CPZ: variants seen among roughly 807,000 people sequenced by gnomAD.
The protein encoded by CPZ is VEZT/CPZ fusion.
Under a neutral mutation model 61.8 loss-of-function variants are expected in CPZ, and 103 were observed. That is an observed-to-expected ratio of 1.67 (90% CI 1.42 to 1.96). The LOEUF (loss-of-function observed/expected upper bound fraction) is 1.96. CPZ is among the 30% of genes most tolerant of loss of function. The pLI is 0.00. For missense variants in CPZ, 1,461 were observed against 914.9 expected (o/e 1.60, Z -7.70); for synonymous variants, 551 against 373.7 (o/e 1.47, Z -5.47).
In CPZ at chr4:8,618,522, A is replaced by G; in HGVS notation, c.1597A>G (p.Thr533Ala). The G allele has an allele frequency of 6.2e-7, 1 of 1,613,550 alleles. No individual in the cohort carries two copies. The highest frequency in any genetic ancestry group is 8.5e-7 in the Non-Finnish European group (1 of 1,179,974). The change falls in exon 10 of 11, where the codon ACC (threonine) becomes GCC (alanine). Residue 533 changes from threonine (T) to alanine (A), a missense_variant. Coordinates refer to ENST00000360986, the MANE Select transcript of CPZ (RefSeq NM_001014447.3). ...ISVKGIRHDI[T>A]TAPDGDYWRL... ...AGTCAAAGGCATTCGCCACGACATC[A>G]CCACAGGTGAGCACGTCCCTGGCTG...
rs1168045825 is a variant in CPZ at position 8,619,324 on chromosome 4, C to T, written c.1666C>T (p.Pro556Ser). 1 of 1,614,106 alleles carries T rather than the reference C, an allele frequency of 6.2e-7. No homozygotes were observed. The highest frequency in any genetic ancestry group is 8.5e-7 in the Non-Finnish European group (1 of 1,179,988). The change falls in exon 11 of 11, where the codon CCT (proline) becomes TCT (serine). Residue 556 changes from proline (P) to serine (S), a missense_variant. By Grantham distance (74) the Pro-to-Ser change is moderately conservative. Transcript: ENST00000360986. Reference protein sequence around the residue: ...PGIHIVIAQAPGYAKVIKKVI... With the variant: ...PGIHIVIAQASGYAKVIKKVI... The stretch of plus-strand genomic sequence containing the variant: ...TATCCACATTGTCATTGCCCAAGCC[C>T]CTGGCTACGCCAAAGTCATCAAGAA...
In CPZ at chr4:8,619,544, G is replaced by A; in HGVS notation, c.1886G>A (p.Gly629Glu). ...GCGCGCAGGCAGCCCTCGGCCGACG[G>A]GAGTAAGCCCTGGTGGTGGTCCTAC... ...LRARRQPSAD[G>E]SKPWWWSYFT... The change falls in exon 11 of 11, where the codon GGG becomes GAG. Residue 629 changes from glycine (G) to glutamate (E), a missense_variant. Physicochemically the swap from Gly to Glu is moderately conservative, Grantham distance 98. Coordinates refer to ENST00000360986, the MANE Select transcript of CPZ (RefSeq NM_001014447.3). 14 of 1,567,298 alleles carry A rather than the reference G, an allele frequency of 8.9e-6. No homozygotes were observed. Among genetic ancestry groups the A allele is most frequent in the South Asian group, 1.2e-5 (1 of 83,130 alleles).
rs902338757 is a variant in CPZ, at chr4:8,619,407, T to C, written c.1749T>C (p.Pro583=). 1 of 1,614,128 alleles carries C rather than the reference T, an allele frequency of 6.2e-7. No individual in the cohort carries two copies. The highest frequency in any genetic ancestry group is 8.5e-7 in the Non-Finnish European group (1 of 1,180,010). ...GCCGTGTGGACTTCATTCTGCAACC[T>C]CTGGGGATGGGACCCAAGAACTTTA... ...RAGRVDFILQ[P]LGMGPKNFIH... Residue 583 remains proline (P), a synonymous_variant, in exon 11 of 11, where the codon CCT becomes CCC. Coordinates refer to ENST00000360986, the MANE Select transcript of CPZ (RefSeq NM_001014447.3).
intron 7 of CPZ, among the ~76,000 whole-genome samples, chr4:8,609,211 C>T (rs368467315): frequency 4.9e-3 from 239 of 49,170 alleles, no homozygotes; most frequent in African/African-American, 0.011. Flanking sequence ...CACTCACTTA[C>T]TCATTCACTT....
chr4:8,606,696 TGTGCTGACCCCACC>T (rs1715039397), intron 5 of CPZ, 27 bp from the exon 6 acceptor site: 1 of 1,612,284 alleles, frequency 6.2e-7, no homozygotes, highest in Non-Finnish European at 8.5e-7. Flanking sequence ...GAGGGTGGGG[TGTGCTGACCCCACC>T]CAGTCGGGGG....
chr4:8,594,804 A>G (rs961577825), intron 1 of CPZ, among the ~76,000 whole-genome samples: 2 of 148,214 alleles, frequency 1.3e-5, no homozygotes, highest in Admixed American at 6.8e-5. Flanking sequence ...ATGGAGTCTC[A>G]CTCTGTCGCC....
intron 7 of CPZ, among the ~76,000 whole-genome samples, chr4:8,609,117 C>CACTCA (rs1560297856): frequency 5.1e-5 from 2 of 39,064 alleles, no homozygotes; most frequent in South Asian, 6.8e-4. Context: ...CTTCCTCACT[C>CACTCA]CCTCACTCAT....
chr4:8,599,628 C>T lies in CPZ; in HGVS notation c.121+143C>T, dbSNP rs185951901. ...CCCATTAATCAAACTAGAACCCCCT[C>T]GTAAACAGCCAGAGAAAAATTAGAC... On this transcript the variant is annotated intron_variant, in intron 2 of 10. Coordinates refer to ENST00000360986, the MANE Select transcript of CPZ (RefSeq NM_001014447.3). The T allele has an allele frequency of 1.5e-5, 22 of 1,469,824 alleles. No homozygotes were observed. The East Asian group carries it at 2.3e-4, about 15-fold the overall frequency. The allele number at this position is 1,469,824 out of a possible 1,614,324, so 91.0% of individuals were successfully genotyped here.
chr4:8,600,186 A>G (rs1301926439), intron 2 of CPZ, among the ~76,000 whole-genome samples: 1 of 152,056 alleles, frequency 6.6e-6, no homozygotes, highest in African/African-American at 2.4e-5. Context: ...TGTGTTACCC[A>G]GGCTGGTCTC....
chr4:8,616,873 C>A (rs1447865916), intron 9 of CPZ, among the ~76,000 whole-genome samples: 1 of 152,208 alleles, frequency 6.6e-6, no homozygotes, highest in Non-Finnish European at 1.5e-5. Context: ...GGGTGGGGGT[C>A]ACGAGCCCCA....
intron 10 of CPZ, among the ~76,000 whole-genome samples, chr4:8,618,875 G>C (rs568190676): frequency 2.6e-5 from 4 of 152,152 alleles, no homozygotes; most frequent in Non-Finnish European, 5.9e-5. Flanking sequence ...TTGATAGCTG[G>C]GGTGTCCAGC....
At chr4:8,613,790 C>G (rs925008221) in intron 8 of CPZ, among the ~76,000 whole-genome samples, 1 of 152,180 alleles carries the variant, frequency 6.6e-6, no homozygotes, top group Non-Finnish European at 1.5e-5. Flanking sequence ...GTTGTCCACC[C>G]TAGCCTGGGC....
At chr4:8,601,635 C>T in intron 3 of CPZ, 138 bp downstream of exon 3, 4 of 942,484 alleles carry the variant, frequency 4.2e-6, no homozygotes, top group Non-Finnish European at 5.9e-6. Flanking sequence ...GGGGCTGCTC[C>T]CCGAGGCAGC....
rs974272519 is a variant in CPZ, at chr4:8,592,805, G to A, written c.-29G>A. 9.2e-6 allele frequency: 13 copies of A among 1,415,766 alleles called. No homozygotes were observed. Among genetic ancestry groups the A allele is most frequent in the Middle Eastern group, 2.5e-4 (1 of 4,066 alleles). 87.7% of individuals were successfully genotyped at this position (1,415,766 alleles called of 1,614,324 possible). On this transcript the variant is annotated 5_prime_UTR_variant, in exon 1 of 11. Transcript: ENST00000360986. ...CGCGGCCCGAGTGCCACATCACTGC[G>A]CTGGCCGTCCAAGGTCCGCCGCCCC...
At chr4:8,613,235 G>A (rs6858613) in intron 8 of CPZ, among the ~76,000 whole-genome samples, 65,209 of 151,110 alleles carry the variant, frequency 0.43, 15,126 homozygotes, top group South Asian at 0.61. Flanking sequence ...GGGTTCAAGC[G>A]ATTCTCCTGC....
chr4:8,601,142 G>C lies in CPZ; in HGVS notation c.141G>C (p.Gln47His), dbSNP rs1207329634. Residue 47 changes from glutamine (Q) to histidine (H), a missense_variant, in exon 3 of 11, where the codon CAG (glutamine) becomes CAC (histidine). Coordinates refer to ENST00000360986, the MANE Select transcript of CPZ (RefSeq NM_001014447.3). ...AADSATCVDL[Q>H]LRTCSDAAYN... Reference sequence around the variant, plus strand: ...CCCCAGCCACCTGCGTGGACCTGCAGCTCAGGACCTGCAGCGATGCCGCCT... The same window carrying C: ...CCCCAGCCACCTGCGTGGACCTGCACCTCAGGACCTGCAGCGATGCCGCCT... 1.9e-6 allele frequency: 3 copies of C among 1,584,860 alleles called. No individual in the cohort carries two copies. Among genetic ancestry groups the C allele is most frequent in the Non-Finnish European group, 2.6e-6 (3 of 1,160,734 alleles).
intron 4 of CPZ, among the ~76,000 whole-genome samples, chr4:8,604,944 G>A (rs1409146838): frequency 6.6e-6 from 1 of 152,210 alleles, no homozygotes; most frequent in Non-Finnish European, 1.5e-5. Context: ...GGGGCCAGAG[G>A]CCACCTGGCC....
rs138099327 is a variant in CPZ, at chr4:8,612,709, A to T, written c.1363+547A>T. On this transcript the variant is annotated intron_variant, in intron 8 of 10. Transcript: ENST00000360986. The stretch of plus-strand genomic sequence containing the variant: ...AGGAGCAATATAATGGGCATATGCC[A>T]CTGTGTGTCCTGAGGGGTACCCGCC... Among the ~76,000 whole-genome samples, 898 of 152,308 alleles carry T rather than the reference A, an allele frequency of 5.9e-3. 12 individuals are homozygous for T. Among genetic ancestry groups the T allele is most frequent in the Middle Eastern group, 0.02 (6 of 294 alleles).
intron 3 of CPZ, chr4:8,603,430 C>G (rs78235890): frequency 0.012 from 1,851 of 150,976 alleles, 22 homozygotes; most frequent in Admixed American, 0.028. Context: ...CCCAGAGCCC[C>G]CCTTTCTGTT....
Sources: allele counts gnomAD v4.1 joint callset (sites outside exome capture counted in the v4.1 genomes callset), GRCh38; gene constraint gnomAD v4.1.1; transcripts MANE v1.5; gene names NCBI Gene and HGNC (gene_info 2026-07-23, HGNC 2026-07-21).